SORBS2: variants seen among roughly 807,000 people sequenced by gnomAD.
SORBS2 encodes the protein sorbin and SH3 domain containing 2.
A neutral mutation model predicts 97.7 loss-of-function variants in SORBS2; 46 were observed. That is an observed-to-expected ratio of 0.47 (90% CI 0.37 to 0.60). The LOEUF is 0.60. Among genes scored for constraint, SORBS2 ranks in the 20% least tolerant of loss-of-function variants. The probability of loss-of-function intolerance (pLI) is 0.00; values close to 1 mark genes in which losing one functional copy is unlikely to be tolerated. For synonymous variants in SORBS2, 476 were observed against 473.4 expected (o/e 1.01, Z -0.07); for missense variants, 1,316 against 1,282.3 (o/e 1.03, Z -0.40).
chr4:185,645,027 T>C (rs1420920143), intron 4 of SORBS2, among the ~76,000 whole-genome samples: 2 of 152,288 alleles, frequency 1.3e-5, no homozygotes, highest in Non-Finnish European at 2.9e-5. Context: ...TTCCCCGCTG[T>C]GCACCTCACA....
chr4:185,686,823 T>C (rs7653904), intron 2 of SORBS2, among the ~76,000 whole-genome samples: 50,113 of 152,168 alleles, frequency 0.33, 8,365 homozygotes, highest in East Asian at 0.4. Flanking sequence ...TGCGATGCCC[T>C]GGGCTGCACT....
intron 2 of SORBS2, among the ~76,000 whole-genome samples, chr4:185,702,734 C>G (rs1040877387): frequency 8.6e-5 from 13 of 151,832 alleles, no homozygotes; most frequent in African/African-American, 3.1e-4. Context: ...GGGCAAATCA[C>G]TTCACTTCGA....
chr4:185,823,522 T>C (rs2099198032), intron 1 of SORBS2, among the ~76,000 whole-genome samples: 1 of 151,460 alleles, frequency 6.6e-6, no homozygotes, highest in Non-Finnish European at 1.5e-5. Flanking sequence ...CTTTAGTAAA[T>C]TGACACATTT....
At chr4:185,944,876 C>T (rs1045492834) in intron 1 of SORBS2, among the ~76,000 whole-genome samples, 5 of 149,710 alleles carry the variant, frequency 3.3e-5, no homozygotes, top group African/African-American at 9.7e-5. Context: ...TCGCTACCAA[C>T]AGCCGAAATA....
chr4:185,657,568 C>A (rs368330389), upstream of SORBS2: 30 of 1,586,930 alleles, frequency 1.9e-5, no homozygotes, highest in Non-Finnish European at 2.4e-5. Flanking sequence ...CCAGAGACTG[C>A]GCATGCTGGG....
intron 1 of SORBS2, among the ~76,000 whole-genome samples, chr4:185,788,757 A>G (rs1280249643): frequency 2.6e-5 from 4 of 152,210 alleles, no homozygotes; most frequent in Admixed American, 6.5e-5. Context: ...GGAATTGGAA[A>G]GCTCTTCACC....
intron 1 of SORBS2, among the ~76,000 whole-genome samples, chr4:185,859,171 A>T (rs1255390901): frequency 2.6e-5 from 4 of 152,214 alleles, no homozygotes; most frequent in Non-Finnish European, 5.9e-5. Flanking sequence ...CTTTAAAAAC[A>T]TATACTAATG....
intron 1 of SORBS2, among the ~76,000 whole-genome samples, chr4:185,880,487 T>C (rs2099236288): frequency 6.6e-6 from 1 of 152,304 alleles, no homozygotes. Flanking sequence ...ATGAATGGTG[T>C]CTTGGAAAAA....
At chr4:185,788,994 C>T (rs1056143119) in intron 1 of SORBS2, among the ~76,000 whole-genome samples, 4 of 152,196 alleles carry the variant, frequency 2.6e-5, no homozygotes, top group African/African-American at 9.7e-5. Context: ...TACTAACAAA[C>T]GCCACGACCT....
intron 1 of SORBS2, among the ~76,000 whole-genome samples, chr4:185,892,889 T>C (rs2099243177): frequency 6.6e-6 from 1 of 152,190 alleles, no homozygotes; most frequent in Non-Finnish European, 1.5e-5. Context: ...GCCTTATGGC[T>C]GTACACTTAA....
In SORBS2 at chr4:185,758,724, TTCTC is replaced by T. The variant is rs2153607140; in HGVS notation, c.-198+16499_-198+16502del. ...TCAACCTCTGGCACTCACCCTTTCT[TTCTC>T]TTGGTTGCAGCTATCCTGGCCTCCT... On this transcript the variant is annotated intron_variant, in intron 2 of 20. Coordinates refer to the SORBS2 transcript ENST00000284776. Among the ~76,000 whole-genome samples the T allele has an allele frequency of 1.3e-5, 2 of 152,292 alleles. 1 individual carries two copies. Among genetic ancestry groups the T allele is most frequent in the South Asian group, 4.1e-4 (2 of 4,822 alleles).
At chr4:185,755,306 G>T (rs1402587224) in intron 2 of SORBS2, among the ~76,000 whole-genome samples, 3 of 152,364 alleles carry the variant, frequency 2.0e-5, no homozygotes, top group South Asian at 2.1e-4. Flanking sequence ...ACTGAAAAGA[G>T]TTGACTAGTG....
chr4:185,716,119 T>C (rs1047819994), intron 2 of SORBS2, among the ~76,000 whole-genome samples: 2 of 152,258 alleles, frequency 1.3e-5, no homozygotes, highest in Admixed American at 1.3e-4. Flanking sequence ...ATCCTGATTA[T>C]GGGCTACTTT....
At chr4:185,695,018 T>G (rs2098155865) in intron 2 of SORBS2, among the ~76,000 whole-genome samples, 1 of 151,876 alleles carries the variant, frequency 6.6e-6, no homozygotes, top group African/African-American at 2.4e-5. Flanking sequence ...TCTGCTTGAA[T>G]TTCTTTGGAT....
rs145248472 is a variant in SORBS2, at chr4:185,662,043, C to G, written c.94+61G>C. The G allele has an allele frequency of 4.0e-4, 632 of 1,587,334 alleles. 3 individuals are homozygous for G. In the African/African-American group the frequency reaches 8.1e-3, roughly 20 times the overall value. ...TCACCTTGATGCCGCATATCTTTCT[C>G]CTGTGGTTGTACTTGCCGCATTGAG... On this transcript the variant is annotated intron_variant, in intron 5 of 20. Transcript: ENST00000284776.
At chr4:185,855,245 A>AT (rs1392484900) in intron 1 of SORBS2, among the ~76,000 whole-genome samples, 1 of 152,192 alleles carries the variant, frequency 6.6e-6, no homozygotes, top group African/African-American at 2.4e-5. Context: ...CAGGTTTATG[A>AT]AGAGTTCATT....
intron 1 of SORBS2, among the ~76,000 whole-genome samples, chr4:185,804,323 CG>C (rs1300184593): frequency 1.9e-4 from 29 of 152,144 alleles, no homozygotes; most frequent in African/African-American, 6.5e-4. Context: ...AGCCATCCTT[CG>C]TTCACTCTTG....
chr4:185,856,609 G>A (rs539577678), intron 1 of SORBS2, among the ~76,000 whole-genome samples: 9 of 152,126 alleles, frequency 5.9e-5, no homozygotes, highest in African/African-American at 2.2e-4. Context: ...CTATGGCTAT[G>A]GTTTGAAATA....
At chr4:185,850,826 A>T (rs541393323) in intron 1 of SORBS2, among the ~76,000 whole-genome samples, 1 of 152,228 alleles carries the variant, frequency 6.6e-6, no homozygotes, top group African/African-American at 2.4e-5. Context: ...GAATTGATAG[A>T]CTTGAATAAA....
Sources: allele counts gnomAD v4.1 joint callset (sites outside exome capture counted in the v4.1 genomes callset), GRCh38; gene constraint gnomAD v4.1.1; transcripts MANE v1.5; gene names NCBI Gene and HGNC (gene_info 2026-07-23, HGNC 2026-07-21).